Variants in PPP2R2B observed in about 807,000 individuals in gnomAD.
PPP2R2B encodes the protein protein phosphatase 2 regulatory subunit Bbeta.
PPP2R2B carries 5 observed loss-of-function variants against 46.0 expected under a neutral mutation model. The observed-to-expected ratio is 0.11, with a 90% CI of 0.06 to 0.23. The LOEUF (loss-of-function observed/expected upper bound fraction) is 0.23. Among genes scored for constraint, PPP2R2B ranks in the 10% least tolerant of loss-of-function variants. The pLI is 1.00. For missense variants in PPP2R2B, 367 were observed against 575.0 expected (o/e 0.64, Z 3.70); for synonymous variants, 215 against 206.7 (o/e 1.04, Z -0.34).
Position 146,672,023 on chromosome 5 carries a change from A to G in PPP2R2B, c.447+19105T>C, listed in dbSNP as rs1035596559. Among the ~76,000 whole-genome samples, 3 of 152,200 alleles carry G rather than the reference A, an allele frequency of 2.0e-5. 1 individual carries two copies. The highest frequency in any genetic ancestry group is 1.9e-4 in the East Asian group (1 of 5,200). On this transcript the variant is annotated intron_variant, in intron 5 of 9. Coordinates refer to ENST00000394411, the MANE Select transcript of PPP2R2B (RefSeq NM_181675.4). The stretch of plus-strand genomic sequence containing the variant: ...GAGAAAAATAATGAGCTCTTTTTTA[A>G]ACACAAAAGGAGAATATAAGTGGTG...
At chr5:146,820,029 G>C (rs1374101943) in intron 2 of PPP2R2B, among the ~76,000 whole-genome samples, 1 of 152,192 alleles carries the variant, frequency 6.6e-6, no homozygotes, top group Non-Finnish European at 1.5e-5. Context: ...TGATCTCAGA[G>C]AAGTAGAGAG....
chr5:146,775,634 G>T (rs936321862), intron 2 of PPP2R2B, among the ~76,000 whole-genome samples: 4 of 151,972 alleles, frequency 2.6e-5, no homozygotes, highest in Admixed American at 2.0e-4. Context: ...GAGCAATTAG[G>T]CAGGAAAAAT....
chr5:147,015,428 G>A lies in PPP2R2B; in HGVS notation c.79+40237C>T, dbSNP rs566722300. On this transcript the variant is annotated intron_variant, in intron 1 of 8. Transcript: ENST00000336640. ...TGATCTCCCTTGCTTTGCTTTGTGC[G>A]TGCTGTACACTTTCCCACCTCCATA... Among the ~76,000 whole-genome samples the A allele has an allele frequency of 2.6e-4, 39 of 151,564 alleles. 1 individual carries two copies. Among genetic ancestry groups the A allele is most frequent in the Admixed American group, 2.2e-3 (34 of 15,136 alleles).
intron 2 of PPP2R2B, among the ~76,000 whole-genome samples, chr5:146,777,722 A>G (rs562598079): frequency 3.9e-5 from 6 of 152,318 alleles, no homozygotes; most frequent in Non-Finnish European, 5.9e-5. Flanking sequence ...ATACAAAACC[A>G]TTCAGTTTTT....
intron 1 of PPP2R2B, among the ~76,000 whole-genome samples, chr5:146,968,476 A>G (rs1362885843): frequency 1.3e-5 from 2 of 152,196 alleles, no homozygotes; most frequent in Non-Finnish European, 2.9e-5. Flanking sequence ...GCTAACATGA[A>G]TGCTGGTTGC....
intron 2 of PPP2R2B, among the ~76,000 whole-genome samples, chr5:146,804,458 C>T (rs907933409): frequency 6.6e-6 from 1 of 152,132 alleles, no homozygotes; most frequent in African/African-American, 2.4e-5. Flanking sequence ...CCTCTCCCCT[C>T]CATCCCCTCT....
intron 7 of PPP2R2B, among the ~76,000 whole-genome samples, chr5:146,605,807 G>C (rs917992148): frequency 2.0e-5 from 3 of 152,290 alleles, no homozygotes; most frequent in South Asian, 4.1e-4. Flanking sequence ...TCTAGTACAG[G>C]CTTCCTCAGA....
rs1774965148 is a variant in PPP2R2B at position 146,638,404 on chromosome 5, T to C, written c.637A>G (p.Ile213Val). 5 of 1,609,372 alleles carry C rather than the reference T, an allele frequency of 3.1e-6. No individual in the cohort carries two copies. Among genetic ancestry groups the C allele is most frequent in the Admixed American group, 1.7e-5 (1 of 59,960 alleles). Residue 213 changes from isoleucine to valine, a missense_variant, in exon 7 of 10, where the codon ATT (isoleucine) becomes GTT (valine). This residue lies in a region of PPP2R2B where 361 missense variants were observed against 545.5 expected (regional missense o/e 0.66). Transcript: ENST00000394411. The stretch of plus-strand genomic sequence containing the variant: ...AGCTCCTCCATGTTGGCTGGCTTAA[T>C]GTCCACAATATCTGGCACAGACGAG... ...ITNQSFNIVDIKPANMEELTE... is the reference protein window; with the variant it reads ...ITNQSFNIVDVKPANMEELTE...
At chr5:146,921,443 T>C (rs1431486764) in intron 1 of PPP2R2B, among the ~76,000 whole-genome samples, 1 of 152,180 alleles carries the variant, frequency 6.6e-6, no homozygotes, top group Non-Finnish European at 1.5e-5. Flanking sequence ...AGTGGAGACA[T>C]CCAGCAACTC....
intron 1 of PPP2R2B, among the ~76,000 whole-genome samples, chr5:147,033,280 C>G (rs1386614485): frequency 6.6e-6 from 1 of 152,102 alleles, no homozygotes; most frequent in East Asian, 1.9e-4. Flanking sequence ...CTTTAACTAC[C>G]ATCTATACCT....
chr5:146,673,531 A>G (rs897949777), intron 5 of PPP2R2B, among the ~76,000 whole-genome samples: 1 of 151,882 alleles, frequency 6.6e-6, no homozygotes, highest in Admixed American at 6.6e-5. Flanking sequence ...CTAATATTCG[A>G]TAGTGGATCC....
In PPP2R2B at chr5:146,764,972, A is replaced by G. The variant is rs1213769514; in HGVS notation, c.71-63830T>C. Among the ~76,000 whole-genome samples, 6 of 152,178 alleles carry G rather than the reference A, an allele frequency of 3.9e-5. 1 individual carries two copies. Among genetic ancestry groups the G allele is most frequent in the Non-Finnish European group, 2.9e-5 (2 of 68,006 alleles). On this transcript the variant is annotated intron_variant, in intron 2 of 9. Transcript: ENST00000394411. ...ATTAAGAATTTAATTATCCTCAGGT[A>G]TAAAAAGAGTTAATAAGGCCAATAA... is the stretch of plus-strand genomic sequence containing the variant.
chr5:146,934,444 A>AT (rs1291349789), intron 1 of PPP2R2B, among the ~76,000 whole-genome samples: 1 of 151,592 alleles, frequency 6.6e-6, no homozygotes, highest in Non-Finnish European at 1.5e-5. Context: ...GATGATAAGC[A>AT]TTTTTTCATG....
chr5:146,582,597 T>A lies in PPP2R2B; in HGVS notation c.*7350A>T, dbSNP rs1314475697. 2 of 152,226 alleles carry A rather than the reference T, an allele frequency of 1.3e-5. No homozygotes were observed. Among genetic ancestry groups the A allele is most frequent in the Non-Finnish European group, 2.9e-5 (2 of 68,026 alleles). The allele number at this position is 152,226 out of a possible 1,614,324, so 9.4% of individuals were successfully genotyped here. ...TTGGATCTCCATATATCATTCAAAC[T>A]CCCAATGGCATGCCGCTCATCTTAT... is the stretch of plus-strand genomic sequence containing the variant. On this transcript the variant is annotated 3_prime_UTR_variant, in exon 10 of 10. Coordinates refer to ENST00000394411, the MANE Select transcript of PPP2R2B (RefSeq NM_181675.4).
chr5:146,768,643 A>T (rs1168355040), intron 2 of PPP2R2B, among the ~76,000 whole-genome samples: 1 of 152,126 alleles, frequency 6.6e-6, no homozygotes, highest in Non-Finnish European at 1.5e-5. Context: ...ACTTCTTCCC[A>T]TGATCTATAA....
chr5:146,602,426 CAT>C (rs1284522923), intron 7 of PPP2R2B, among the ~76,000 whole-genome samples: 1 of 152,146 alleles, frequency 6.6e-6, no homozygotes, highest in Non-Finnish European at 1.5e-5. Flanking sequence ...TCAGCTGAAA[CAT>C]ATGCATTTGC....
At chr5:146,734,789 G>T (rs561590833) in intron 2 of PPP2R2B, among the ~76,000 whole-genome samples, 18 of 152,086 alleles carry the variant, frequency 1.2e-4, no homozygotes, top group Non-Finnish European at 2.1e-4. Context: ...GGATTTGCCT[G>T]GTACCTTCCA....
intron 2 of PPP2R2B, among the ~76,000 whole-genome samples, chr5:146,756,460 C>T (rs1337832616): frequency 3.3e-5 from 5 of 152,086 alleles, no homozygotes; most frequent in African/African-American, 1.2e-4. Context: ...CTTCATTTTC[C>T]CCATGCTGCA....
At chr5:146,924,901 G>A (rs1044405506) in intron 1 of PPP2R2B, among the ~76,000 whole-genome samples, 7 of 151,980 alleles carry the variant, frequency 4.6e-5, no homozygotes, top group South Asian at 2.1e-4. Flanking sequence ...AGTATTCCAC[G>A]GTGTATATGT....
Sources: allele counts gnomAD v4.1 joint callset (sites outside exome capture counted in the v4.1 genomes callset), GRCh38; gene constraint gnomAD v4.1.1; regional missense constraint gnomAD v4.1.1; transcripts MANE v1.5; gene names NCBI Gene and HGNC (gene_info 2026-07-23, HGNC 2026-07-21).